The following THSD7A variants were observed in gnomAD, a reference collection of about 807,000 sequenced individuals.
THSD7A encodes thrombospondin type 1 domain containing 7A.
Under a neutral mutation model 231.3 loss-of-function variants are expected in THSD7A, and 96 were observed. The ratio of observed to expected loss-of-function variants is 0.41; its 90% confidence interval spans 0.35 to 0.49. THSD7A has a LOEUF of 0.49. THSD7A is among the 20% of genes least tolerant of loss of function. The pLI, the probability that THSD7A is intolerant of heterozygous loss-of-function variation, is 0.05. For missense variants in THSD7A, 2,290 were observed against 2,070.2 expected (o/e 1.11, Z -2.06); for synonymous variants, 940 against 743.3 (o/e 1.26, Z -4.30).
chr7:11,651,837 T>C (rs1782519163), intron 1 of THSD7A, among the ~76,000 whole-genome samples: 1 of 151,966 alleles, frequency 6.6e-6, no homozygotes, highest in Admixed American at 6.6e-5. Flanking sequence ...AAATTGGTGG[T>C]TGTTACTAGA....
chr7:11,723,764 A>T (rs995514215), intron 1 of THSD7A, among the ~76,000 whole-genome samples: 9 of 152,074 alleles, frequency 5.9e-5, no homozygotes, highest in African/African-American at 2.2e-4. Flanking sequence ...AACAACCGTA[A>T]GTATTGTGTT....
At chr7:11,510,568 T>C (rs571786369) in intron 6 of THSD7A, among the ~76,000 whole-genome samples, 6 of 152,134 alleles carry the variant, frequency 3.9e-5, no homozygotes, top group African/African-American at 1.4e-4. Flanking sequence ...TCAAAAAGCT[T>C]ATCCACCACA....
At chr7:11,619,066 C>G (rs1781217607) in intron 2 of THSD7A, among the ~76,000 whole-genome samples, 4 of 151,704 alleles carry the variant, frequency 2.6e-5, no homozygotes, top group African/African-American at 9.7e-5. Context: ...TGTTTAAAAA[C>G]TTTTTTAAAC....
At chr7:11,633,473 T>G (rs749812430) in intron 2 of THSD7A, among the ~76,000 whole-genome samples, 9 of 152,206 alleles carry the variant, frequency 5.9e-5, no homozygotes, top group Non-Finnish European at 1.3e-4. Flanking sequence ...GCAGCCCTTT[T>G]CATTGACACA....
chr7:11,543,460 A>C (rs1300107194), intron 4 of THSD7A, among the ~76,000 whole-genome samples: 1 of 152,230 alleles, frequency 6.6e-6, no homozygotes, highest in Non-Finnish European at 1.5e-5. Flanking sequence ...TATTCTAAGA[A>C]AGTAAAAGAA....
intron 1 of THSD7A, among the ~76,000 whole-genome samples, chr7:11,818,811 T>C (rs1784785772): frequency 6.6e-6 from 1 of 152,212 alleles, no homozygotes; most frequent in Non-Finnish European, 1.5e-5. Context: ...CCCAGGATAC[T>C]CCTCTCAAGA....
rs1202587869 is a variant in THSD7A, at chr7:11,680,170, C to G, written c.191-43209G>C. On this transcript the variant is annotated intron_variant, in intron 1 of 27. Coordinates refer to ENST00000423059, the MANE Select transcript of THSD7A (RefSeq NM_015204.3). ...CATATGCAGAAAACTGAAAGTGGAC[C>G]CCTTCCTTACACCTTATACAAAAAT... Among the ~76,000 whole-genome samples, 7 of 151,796 alleles carry G rather than the reference C, an allele frequency of 4.6e-5. No individual in the cohort carries two copies. The East Asian group carries it at 1.4e-3, about 29-fold the overall frequency.
At chr7:11,500,372 C>T (rs1787280764) in intron 6 of THSD7A, among the ~76,000 whole-genome samples, 2 of 152,108 alleles carry the variant, frequency 1.3e-5, no homozygotes, top group Non-Finnish European at 1.5e-5. Flanking sequence ...CACTTAAACA[C>T]ACAGACCAGG....
intron 19 of THSD7A, chr7:11,410,312 TAG>T (rs1783738372): frequency 6.6e-6 from 1 of 152,210 alleles, no homozygotes; most frequent in Non-Finnish European, 1.5e-5. Flanking sequence ...TATTTCTGTG[TAG>T]AGTTTTCCCC....
rs1784979864 is a variant in THSD7A, at chr7:11,446,623, T to C, written c.2801-299A>G. ...TCTCTCACCTTCATAGGCTGTGTTA[T>C]ATAGTTTCGACAGTCTTCATTACAT... is the stretch of plus-strand genomic sequence containing the variant. On this transcript the variant is annotated intron_variant, in intron 12 of 27. Coordinates refer to ENST00000423059, the MANE Select transcript of THSD7A (RefSeq NM_015204.3). This position sits in a 1 kb window ranked among gnomAD's most constrained non-coding sequence, Gnocchi z 4.0. 6.6e-6 allele frequency among the ~76,000 whole-genome samples: 1 copy of C among 152,136 alleles called. No individual in the cohort carries two copies. The highest frequency in any genetic ancestry group is 2.4e-5 in the African/African-American group (1 of 41,444).
chr7:11,427,731 A>T (rs1432320439), intron 14 of THSD7A, among the ~76,000 whole-genome samples: 1 of 152,168 alleles, frequency 6.6e-6, no homozygotes, highest in Non-Finnish European at 1.5e-5. Flanking sequence ...TTTGTATTAT[A>T]AACATTTTAG....
In THSD7A at chr7:11,474,416, C is replaced by G; in HGVS notation, c.2170G>C (p.Gly724Arg). Residue 724 changes from glycine (G) to arginine (R), a missense_variant, in exon 8 of 28, where the codon GGG becomes CGG. Transcript: ENST00000423059. The surrounding 1 kb of genome is among the most constrained non-coding windows in gnomAD (Gnocchi z 4.1). ...ATGCCGACAGAGCAGGAGGCCTCCC[C>G]ATTCCAAGTCGTAGTTGTGTTGAAG... is the stretch of plus-strand genomic sequence containing the variant. Reference protein sequence around the residue: ...SSFNTTTTWNGEASCSVGMQT... With the variant: ...SSFNTTTTWNREASCSVGMQT... The G allele has an allele frequency of 6.2e-7, 1 of 1,613,644 alleles. No homozygotes were observed. Among genetic ancestry groups the G allele is most frequent in the South Asian group, 1.1e-5 (1 of 91,074 alleles).
intron 16 of THSD7A, among the ~76,000 whole-genome samples, chr7:11,423,900 A>G (rs1320762357): frequency 6.6e-6 from 1 of 152,198 alleles, no homozygotes; most frequent in East Asian, 1.9e-4. Context: ...ACGAGTATCA[A>G]TCTAGTGTTA....
At chr7:11,504,989 T>C (rs1292330982) in intron 6 of THSD7A, among the ~76,000 whole-genome samples, 1 of 152,312 alleles carries the variant, frequency 6.6e-6, no homozygotes, top group South Asian at 2.1e-4. Context: ...GTTGTAGGCA[T>C]AAGGCAACTA....
In THSD7A at chr7:11,470,008, G is replaced by C. The variant is rs1204841695; in HGVS notation, c.2253-14C>G. 4.0e-6 allele frequency: 6 copies of C among 1,515,910 alleles called. No individual in the cohort carries two copies. Among genetic ancestry groups the C allele is most frequent in the Non-Finnish European group, 5.4e-6 (6 of 1,106,828 alleles). The allele number at this position is 1,515,910 out of a possible 1,614,324, so 93.9% of individuals were successfully genotyped here. On this transcript the variant is annotated splice_polypyrimidine_tract_variant and intron_variant, in intron 8 of 27. Coordinates refer to ENST00000423059, the MANE Select transcript of THSD7A (RefSeq NM_015204.3). Reference sequence around the variant, plus strand: ...CTTTCAGGACATCTAGAAAGGCAAAGGGGAATTATTAGGCTTCAATAGTAA... The same window carrying C: ...CTTTCAGGACATCTAGAAAGGCAAACGGGAATTATTAGGCTTCAATAGTAA...
chr7:11,391,591 G>GGGCAGTGAATGGTTCTGTCCT (rs147918854), intron 23 of THSD7A, among the ~76,000 whole-genome samples: 9 of 152,076 alleles, frequency 5.9e-5, no homozygotes, highest in Non-Finnish European at 1.3e-4. Flanking sequence ...CCCCTTTCCA[G>GGGCAGTGAATGGTTCTGTCCT]GGCAGTGAAT....
intron 5 of THSD7A, among the ~76,000 whole-genome samples, chr7:11,541,884 G>A (rs1362600436): frequency 6.6e-6 from 1 of 152,100 alleles, no homozygotes; most frequent in East Asian, 1.9e-4. Flanking sequence ...CAAAGGTAAG[G>A]CTAGAAATGT....
chr7:11,376,918 T>G (rs557714558), intron 26 of THSD7A: 1 of 295,126 alleles, frequency 3.4e-6, no homozygotes. Context: ...TTGGCTAAAC[T>G]TCAGCTGCCT....
intron 6 of THSD7A, among the ~76,000 whole-genome samples, chr7:11,513,358 A>AATT: frequency 7.8e-6 from 1 of 128,780 alleles, no homozygotes; most frequent in African/African-American, 2.6e-5. Context: ...TTTCAAGAAT[A>AATT]AAAAAAACCA....
Sources: allele counts gnomAD v4.1 joint callset (sites outside exome capture counted in the v4.1 genomes callset), GRCh38; gene constraint gnomAD v4.1.1; non-coding constraint Gnocchi (gnomAD v3.1); transcripts MANE v1.5; gene names NCBI Gene and HGNC (gene_info 2026-07-23, HGNC 2026-07-21).